Variants in BIRC6 observed in about 807,000 individuals in gnomAD.
BIRC6 encodes the protein dual E2 ubiquitin-conjugating enzyme/E3 ubiquitin-protein ligase BIRC6.
A neutral mutation model predicts 503.3 loss-of-function variants in BIRC6; 98 were observed. The observed-to-expected ratio is 0.19, with a 90% CI of 0.17 to 0.23. BIRC6 has a LOEUF of 0.23. Among genes scored for constraint, BIRC6 ranks in the 10% least tolerant of loss-of-function variants. The probability of loss-of-function intolerance (pLI) is 1.00; values close to 1 mark genes in which losing one functional copy is unlikely to be tolerated. For missense variants in BIRC6, 5,360 were observed against 5,806.0 expected (o/e 0.92, Z 2.50); for synonymous variants, 2,240 against 2,078.7 (o/e 1.08, Z -2.11).
At chr2:32,402,383 T>TG (rs1411189556) in intron 8 of BIRC6, among the ~76,000 whole-genome samples, 3 of 152,250 alleles carry the variant, frequency 2.0e-5, no homozygotes, top group African/African-American at 7.2e-5. Flanking sequence ...CTTGATAGAC[T>TG]GAGAATATCT....
chr2:32,598,463 G>GGAA (rs2061817878), intron 69 of BIRC6, among the ~76,000 whole-genome samples: 1 of 151,750 alleles, frequency 6.6e-6, no homozygotes, highest in East Asian at 1.9e-4. Flanking sequence ...GTCTTTTCTA[G>GGAA]GAAATTTATG....
At chr2:32,569,593 A>G (rs1378306507) in intron 65 of BIRC6, among the ~76,000 whole-genome samples, 1 of 151,848 alleles carries the variant, frequency 6.6e-6, no homozygotes, top group African/African-American at 2.4e-5. Context: ...GCTGGTCTTA[A>G]GCCCTTGGAC....
At chr2:32,599,009 GA>G (rs1396899531) in intron 69 of BIRC6, among the ~76,000 whole-genome samples, 2 of 82,108 alleles carry the variant, frequency 2.4e-5, no homozygotes, top group Non-Finnish European at 4.3e-5. Context: ...GCGGTGGAGT[GA>G]AACTCCATCT....
Position 32,480,621 on chromosome 2 carries a change from C to CTTTTTTTTTTTTTTTTTT in BIRC6, c.7409-679_7409-662dup, listed in dbSNP as rs560251664. ...CATAACAGAAAAATAAGGTAAATGG[C>CTTTTTTTTTTTTTTTTTT]TTTTTTTTTTTTTTTTTTTTTTTTT... On this transcript the variant is annotated intron_variant, in intron 37 of 73. Coordinates refer to ENST00000421745, the MANE Select transcript of BIRC6 (RefSeq NM_016252.4). 3.0e-4 allele frequency among the ~76,000 whole-genome samples: 18 copies of CTTTTTTTTTTTTTTTTTT among 60,742 alleles called. 2 individuals are homozygous for CTTTTTTTTTTTTTTTTTT. The highest frequency in any genetic ancestry group is 7.3e-4 in the South Asian group (1 of 1,378). The allele number at this position is 60,742 out of a possible 152,430, so 39.8% of individuals were successfully genotyped here.
chr2:32,536,398 T>TG (rs1263262302), intron 61 of BIRC6, among the ~76,000 whole-genome samples: 4 of 152,232 alleles, frequency 2.6e-5, no homozygotes, highest in African/African-American at 9.7e-5. Context: ...ATGTCCTGAA[T>TG]GGTATTGCCT....
intron 6 of BIRC6, among the ~76,000 whole-genome samples, chr2:32,395,829 C>A (rs567937955): frequency 6.6e-6 from 1 of 152,144 alleles, no homozygotes; most frequent in Non-Finnish European, 1.5e-5. Context: ...AGTAGAACCA[C>A]GCTCTAACGA....
chr2:32,533,674 C>T (rs1471258116), intron 61 of BIRC6, among the ~76,000 whole-genome samples: 3 of 152,072 alleles, frequency 2.0e-5, no homozygotes, highest in South Asian at 2.1e-4. Context: ...TCTCCTCAGC[C>T]GTCTAAGCAT....
chr2:32,396,243 T>G (rs1017271777), intron 6 of BIRC6, among the ~76,000 whole-genome samples: 3 of 152,332 alleles, frequency 2.0e-5, no homozygotes, highest in African/African-American at 4.8e-5. Context: ...AGGAGGGAAC[T>G]ATGAATATTT....
At chr2:32,557,458 C>T (rs1053906672) in intron 65 of BIRC6, 14 of 152,152 alleles carry the variant, frequency 9.2e-5, no homozygotes, top group Admixed American at 2.6e-4. Flanking sequence ...AGTCCATCTT[C>T]AGTGTCCATA....
intron 9 of BIRC6, among the ~76,000 whole-genome samples, chr2:32,407,975 C>CTT (rs35231160): frequency 6.8e-6 from 1 of 147,758 alleles, no homozygotes; most frequent in Non-Finnish European, 1.5e-5. Flanking sequence ...TTCTTTCTTT[C>CTT]TTTTTTTTTT....
chr2:32,438,375 T>G (rs1292786335), intron 15 of BIRC6, among the ~76,000 whole-genome samples: 1 of 152,060 alleles, frequency 6.6e-6, no homozygotes, highest in Non-Finnish European at 1.5e-5. Context: ...GGTAGCTAAG[T>G]AGAGTGATAG....
At chr2:32,507,495 A>G (rs1382624248) in intron 50 of BIRC6, among the ~76,000 whole-genome samples, 3 of 152,226 alleles carry the variant, frequency 2.0e-5, no homozygotes, top group Non-Finnish European at 4.4e-5. Context: ...GTTAAACTCA[A>G]TGTTTAAAAA....
chr2:32,564,292 ATGTATCAGTAGT>A (rs753196681), intron 65 of BIRC6: 1 of 152,178 alleles, frequency 6.6e-6, no homozygotes, highest in Admixed American at 6.5e-5. Context: ...TTGATGTTGA[ATGTATCAGTAGT>A]TGATAACTTC....
At chr2:32,505,612 CA>C (rs2053709783) in intron 50 of BIRC6, among the ~76,000 whole-genome samples, 1 of 152,174 alleles carries the variant, frequency 6.6e-6, no homozygotes, top group Admixed American at 6.5e-5. Flanking sequence ...AACTTCTTTA[CA>C]AGATAACTAC....
chr2:32,543,173 TAA>T (rs2057805046), intron 61 of BIRC6, 66 bp from the exon 62 acceptor site: 1 of 1,430,678 alleles, frequency 7.0e-7, no homozygotes, highest in African/African-American at 1.4e-5. Context: ...CATTTAAAGT[TAA>T]GTCTTTACTT....
In BIRC6 at chr2:32,500,613, T is replaced by G. The variant is rs867353028; in HGVS notation, c.9031+504T>G. Among the ~76,000 whole-genome samples the G allele has an allele frequency of 8.4e-3, 1,251 of 149,026 alleles. 9 individuals are homozygous for G. The highest frequency in any genetic ancestry group is 0.027 in the South Asian group (122 of 4,592). On this transcript the variant is annotated intron_variant, in intron 46 of 73. Transcript: ENST00000421745. The stretch of plus-strand genomic sequence containing the variant: ...TTTTTTGTTTTTGTTTTTGTTTTTT[T>G]TTTTTTTTTTGAGATGAAGTCTTGC...
intron 10 of BIRC6, among the ~76,000 whole-genome samples, chr2:32,419,263 A>T (rs887444895): frequency 6.6e-6 from 1 of 152,208 alleles, no homozygotes; most frequent in African/African-American, 2.4e-5. Flanking sequence ...TTCTGAGTAT[A>T]TTCAAATAAC....
Position 32,598,396 on chromosome 2 carries a change from T to C in BIRC6, c.13830+428T>C, listed in dbSNP as rs189789245. Among the ~76,000 whole-genome samples the C allele has an allele frequency of 3.4e-3, 516 of 152,330 alleles. 3 individuals are homozygous for C. Among genetic ancestry groups the C allele is most frequent in the African/African-American group, 0.012 (482 of 41,578 alleles). Reference sequence around the variant, plus strand: ...ATGTTACAGGATTTCCATTTTGTCATCCAAGATACTTCTCTCATGTTTTTT... The same window carrying C: ...ATGTTACAGGATTTCCATTTTGTCACCCAAGATACTTCTCTCATGTTTTTT... On this transcript the variant is annotated intron_variant, in intron 69 of 73. Transcript: ENST00000421745.
chr2:32,618,723 A>G lies in BIRC6; in HGVS notation c.*819A>G, dbSNP rs539881029. ...CTTTTTTCCTGGACTATGTGGTTTT[A>G]TGACTAAAGTCACATGTATGTATTA... On this transcript the variant is annotated 3_prime_UTR_variant, in exon 74 of 74. Coordinates refer to ENST00000421745, the MANE Select transcript of BIRC6 (RefSeq NM_016252.4). 1 of 152,350 alleles carries G rather than the reference A, an allele frequency of 6.6e-6. No homozygotes were observed. Among genetic ancestry groups the G allele is most frequent in the Non-Finnish European group, 1.5e-5 (1 of 67,940 alleles). 9.4% of individuals were successfully genotyped at this position (152,350 alleles called of 1,614,324 possible). A position where few individuals can be genotyped will look rare whatever the true frequency, so the allele number is the denominator to read the frequency against.
Sources: allele counts gnomAD v4.1 joint callset (sites outside exome capture counted in the v4.1 genomes callset), GRCh38; gene constraint gnomAD v4.1.1; transcripts MANE v1.5; gene names NCBI Gene and HGNC (gene_info 2026-07-23, HGNC 2026-07-21).